MAP2K1: variants seen among roughly 807,000 people sequenced by gnomAD.
MAP2K1 encodes the protein mitogen-activated protein kinase kinase 1, also known as dual specificity mitogen-activated protein kinase kinase 1.
In MAP2K1, 16 loss-of-function variants were observed where a neutral mutation model predicts 46.3. The ratio of observed to expected loss-of-function variants is 0.35; its 90% CI spans 0.23 to 0.52. The LOEUF (loss-of-function observed/expected upper bound fraction) is 0.52. Among genes scored for constraint, MAP2K1 ranks in the 20% least tolerant of loss-of-function variants. MAP2K1 has a pLI of 0.94. For synonymous variants in MAP2K1, 183 were observed against 185.6 expected (o/e 0.99, Z 0.11); for missense variants, 263 against 497.1 (o/e 0.53, Z 4.48).
In MAP2K1 at chr15:66,420,749, G is replaced by A. The variant is rs1301235316; in HGVS notation, c.81-14278G>A. On this transcript the variant is annotated intron_variant, in intron 1 of 10. Coordinates refer to ENST00000307102, the MANE Select transcript of MAP2K1 (RefSeq NM_002755.4). ...TGTGTGTGTGTGTGTGTGTGTGTGT[G>A]TGTGTGTGTGTATGTGTGTATATAT... is the stretch of plus-strand genomic sequence containing the variant. Among the ~76,000 whole-genome samples the A allele has an allele frequency of 1.8e-4, 8 of 45,102 alleles. 1 individual carries two copies. The highest frequency in any genetic ancestry group is 3.4e-4 in the African/African-American group (5 of 14,580). 29.6% of individuals were successfully genotyped at this position (45,102 alleles called of 152,430 possible).
intron 1 of MAP2K1, among the ~76,000 whole-genome samples, chr15:66,428,484 T>C (rs1426536496): frequency 6.6e-6 from 1 of 152,134 alleles, no homozygotes; most frequent in Non-Finnish European, 1.5e-5. Context: ...GAATTCCTTC[T>C]TTTGGGCAGG....
chr15:66,414,109 G>A (rs971487871), intron 1 of MAP2K1, among the ~76,000 whole-genome samples: 1 of 151,928 alleles, frequency 6.6e-6, no homozygotes, highest in African/African-American at 2.4e-5. Context: ...CACACGTAGA[G>A]CCTGCAGGTT....
At chr15:66,485,837 C>T (rs912665430) in intron 7 of MAP2K1, among the ~76,000 whole-genome samples, 2 of 152,160 alleles carry the variant, frequency 1.3e-5, no homozygotes, top group East Asian at 3.8e-4. Context: ...GCCTCAGCCT[C>T]CCAAAATGCT....
intron 1 of MAP2K1, among the ~76,000 whole-genome samples, chr15:66,411,780 A>G (rs1204660502): frequency 2.0e-5 from 3 of 152,232 alleles, no homozygotes; most frequent in Non-Finnish European, 4.4e-5. Context: ...ATATATGTAT[A>G]TTAGAAAAGT....
chr15:66,415,651 T>G (rs952705628), intron 1 of MAP2K1, among the ~76,000 whole-genome samples: 2 of 152,246 alleles, frequency 1.3e-5, no homozygotes, highest in African/African-American at 4.8e-5. Context: ...CTTTCCTGGC[T>G]TGGCTCTCCC....
intron 1 of MAP2K1, among the ~76,000 whole-genome samples, chr15:66,424,923 G>A (rs970340535): frequency 6.8e-6 from 1 of 147,534 alleles, no homozygotes; most frequent in Non-Finnish European, 1.5e-5. Context: ...TCAGCCTCCC[G>A]AGTAGCTGGG....
chr15:66,428,549 A>G (rs750812654), intron 1 of MAP2K1, among the ~76,000 whole-genome samples: 1 of 152,028 alleles, frequency 6.6e-6, no homozygotes, highest in African/African-American at 2.4e-5. Context: ...CATTCACATT[A>G]TGGAGAGTAA....
intron 1 of MAP2K1, among the ~76,000 whole-genome samples, chr15:66,401,496 A>G (rs915142679): frequency 3.3e-5 from 5 of 152,110 alleles, no homozygotes; most frequent in Non-Finnish European, 5.9e-5. Context: ...ACTCATATTT[A>G]TTGAATGCTT....
chr15:66,408,971 G>T, intron 1 of MAP2K1, among the ~76,000 whole-genome samples: 1 of 152,202 alleles, frequency 6.6e-6, no homozygotes, highest in East Asian at 1.9e-4. Flanking sequence ...CAAAGGGCAA[G>T]GTTCTGCTAA....
chr15:66,423,663 A>G (rs547699889), intron 1 of MAP2K1, among the ~76,000 whole-genome samples: 2 of 138,414 alleles, frequency 1.4e-5, no homozygotes, highest in Non-Finnish European at 3.0e-5. Flanking sequence ...GCTGGAGTGC[A>G]ATGGCGCAAT....
chr15:66,435,329 A>C (rs575240416), intron 2 of MAP2K1, 92 bp downstream of exon 2: 4 of 1,053,556 alleles, frequency 3.8e-6, no homozygotes, highest in Admixed American at 3.9e-5. Context: ...GATTTTACTC[A>C]ATACCTTTTT....
chr15:66,452,357 C>G (rs1365847049), intron 5 of MAP2K1, among the ~76,000 whole-genome samples: 2 of 150,046 alleles, frequency 1.3e-5, no homozygotes, highest in Non-Finnish European at 3.0e-5. Context: ...GTACTGGCTG[C>G]CATCTTGTCT....
In MAP2K1 at chr15:66,420,801, A is replaced by ATG. The variant is rs1270948226; in HGVS notation, c.81-14222_81-14221dup. 3.4e-3 allele frequency among the ~76,000 whole-genome samples: 196 copies of ATG among 58,480 alleles called. 2 individuals carry two copies. In the East Asian group the frequency reaches 0.036, roughly 11 times the overall value. The allele number at this position is 58,480 out of a possible 152,430, so 38.4% of individuals were successfully genotyped here. A position where few individuals can be genotyped will look rare whatever the true frequency, so the allele number is the denominator to read the frequency against. ...TGTGTATATATATGTGTGTATATAT[A>ATG]TGTGTATATATATGTGTATATATAT... On this transcript the variant is annotated intron_variant, in intron 1 of 10. Coordinates refer to ENST00000307102, the MANE Select transcript of MAP2K1 (RefSeq NM_002755.4).
At chr15:66,480,054 G>A (rs1024985597) in intron 5 of MAP2K1, among the ~76,000 whole-genome samples, 16 of 150,502 alleles carry the variant, frequency 1.1e-4, no homozygotes, top group Non-Finnish European at 1.5e-4. Flanking sequence ...ACAAGCATGC[G>A]CCACCACGCT....
At chr15:66,440,749 TC>T (rs1288901168) in intron 3 of MAP2K1, among the ~76,000 whole-genome samples, 2 of 152,198 alleles carry the variant, frequency 1.3e-5, no homozygotes, top group African/African-American at 4.8e-5. Flanking sequence ...ATAATTGGCT[TC>T]TAAAAATAAG....
Position 66,419,913 on chromosome 15 carries a change from G to A in MAP2K1, c.81-15114G>A, listed in dbSNP as rs137944176. ...TATGACATAAACAAAAAAAAAGTCT[G>A]TTGGCTTGGAAACTACCTGATTTAC... On this transcript the variant is annotated intron_variant, in intron 1 of 10. Coordinates refer to ENST00000307102, the MANE Select transcript of MAP2K1 (RefSeq NM_002755.4). Among the ~76,000 whole-genome samples, 438 of 151,414 alleles carry A rather than the reference G, an allele frequency of 2.9e-3. 3 individuals are homozygous for A. The highest frequency in any genetic ancestry group is 0.01 in the African/African-American group (425 of 41,300).
chr15:66,435,320 A>C lies in MAP2K1; in HGVS notation c.291+83A>C, dbSNP rs1595861078. On this transcript the variant is annotated intron_variant, in intron 2 of 10. Coordinates refer to ENST00000307102, the MANE Select transcript of MAP2K1 (RefSeq NM_002755.4). ...GGGGACCAGGGTAGAAGGAAGACTGATTTTACTCAATACCTTTTTGTGCTG... is the reference window on the plus strand; with the variant it reads ...GGGGACCAGGGTAGAAGGAAGACTGCTTTTACTCAATACCTTTTTGTGCTG... 20 of 1,064,610 alleles carry C rather than the reference A, an allele frequency of 1.9e-5. No individual in the cohort carries two copies. The East Asian group carries it at 4.8e-4, about 25-fold the overall frequency. The allele number at this position is 1,064,610 out of a possible 1,614,324, so 65.9% of individuals were successfully genotyped here. A position where few individuals can be genotyped will look rare whatever the true frequency, so the allele number is the denominator to read the frequency against.
At chr15:66,457,556 C>T (rs946583102) in intron 5 of MAP2K1, among the ~76,000 whole-genome samples, 1 of 152,054 alleles carries the variant, frequency 6.6e-6, no homozygotes, top group African/African-American at 2.4e-5. Context: ...ACTGTGTGGC[C>T]CTCAAAGCCA....
intron 5 of MAP2K1, among the ~76,000 whole-genome samples, chr15:66,469,730 G>A (rs1892574952): frequency 7.2e-5 from 2 of 27,816 alleles, no homozygotes; most frequent in South Asian, 3.1e-3. Context: ...ACACATATCG[G>A]ATGTTAGCTT....
Sources: allele counts gnomAD v4.1 joint callset (sites outside exome capture counted in the v4.1 genomes callset), GRCh38; gene constraint gnomAD v4.1.1; transcripts MANE v1.5; gene names NCBI Gene and HGNC (gene_info 2026-07-23, HGNC 2026-07-21).